SLC12A5: variants seen among roughly 807,000 people sequenced by gnomAD.
SLC12A5 encodes the protein K-Cl cotransporter 2.
In SLC12A5, 18 loss-of-function variants were observed where a neutral mutation model predicts 124.0. The observed-to-expected ratio is 0.15, with a 90% CI of 0.10 to 0.22. SLC12A5 has a LOEUF of 0.22. Ranked by LOEUF, SLC12A5 falls within the 10% of genes least tolerant of loss-of-function variation. SLC12A5 has a pLI of 1.00. For synonymous variants in SLC12A5, 589 were observed against 568.0 expected, an observed-to-expected ratio of 1.04 and a Z score of -0.53; for missense variants, 867 against 1,478.7, an observed-to-expected ratio of 0.59 and a Z score of 6.78.
chr20:46,029,163 C>T (rs1392218105), upstream of SLC12A5: 11 of 1,406,534 alleles, frequency 7.8e-6, no homozygotes, highest in East Asian at 2.8e-5. Flanking sequence ...GGGGCGCGCG[C>T]GGGTGTGAGC....
upstream of SLC12A5, chr20:46,021,838 C>G: frequency 6.5e-7 from 1 of 1,533,592 alleles, no homozygotes; most frequent in Non-Finnish European, 8.7e-7. Flanking sequence ...AGAGTCCCGC[C>G]GGCATTCGGT....
chr20:46,056,716 G>T lies in SLC12A5; in HGVS notation c.3110+152G>T, dbSNP rs981071882. The stretch of plus-strand genomic sequence containing the variant: ...GGTTTCTCCATCTGAGGACTTAGGG[G>T]GTTGGGCCCCATTGCTAAGTCTCAG... On this transcript the variant is annotated intron_variant, in intron 23 of 25. Coordinates refer to ENST00000243964, the MANE Select transcript of SLC12A5 (RefSeq NM_020708.5). The surrounding 1 kb of genome is among the most constrained non-coding windows in gnomAD (Gnocchi z 4.3). The T allele has an allele frequency of 2.6e-6, 3 of 1,134,140 alleles. No homozygotes were observed. Among genetic ancestry groups the T allele is most frequent in the Admixed American group, 2.2e-5 (1 of 44,772 alleles). 70.3% of individuals were successfully genotyped at this position (1,134,140 alleles called of 1,614,324 possible).
At position 46,029,284 on chromosome 20, in the gene SLC12A5, G is replaced by A. The variant is rs1005159146; in HGVS notation, c.-61G>A. ...CAGCGAACGAGAGAGCGGCGAAGGC[G>A]GGTAGAGGGGCGCGGGCGAGGCGGC... On this transcript the variant is annotated 5_prime_UTR_variant, in exon 1 of 26. Coordinates refer to ENST00000243964, the MANE Select transcript of SLC12A5 (RefSeq NM_020708.5). The A allele has an allele frequency of 4.0e-6, 6 of 1,515,726 alleles. No homozygotes were observed. The African/African-American group carries it at 8.4e-5, about 21-fold the overall frequency. The allele number at this position is 1,515,726 out of a possible 1,614,324, so 93.9% of individuals were successfully genotyped here.
chr20:46,037,089 C>T (rs1173667335), intron 5 of SLC12A5, among the ~76,000 whole-genome samples, 166 bp from the exon 6 acceptor site: 1 of 152,040 alleles, frequency 6.6e-6, no homozygotes. Flanking sequence ...AAAATCCATG[C>T]AGAGTGGTTG....
rs145624716 is a variant in SLC12A5 at position 46,043,913 on chromosome 20, G to C, written c.1374G>C (p.Glu458Asp). Residue 458 changes from glutamate (E) to aspartate (D), a missense_variant, in exon 11 of 26, where the codon GAG becomes GAC. Physicochemically the swap from Glu to Asp is conservative, Grantham distance 45. Transcript: ENST00000243964. The part of the protein sequence containing the change: ...SSVVLFGACI[E>D]GVVLRDKFGE... ...TTGTTCTGTTTGGGGCCTGCATTGA[G>C]GGGGTCGTCCTGCGGGACAAGTAAG... 5 of 1,609,452 alleles carry C rather than the reference G, an allele frequency of 3.1e-6. No individual in the cohort carries two copies. The African/African-American group carries it at 5.3e-5, about 17-fold the overall frequency.
chr20:46,035,586 G>C (rs148864765), intron 3 of SLC12A5, 51 bp downstream of exon 3: 42 of 1,522,044 alleles, frequency 2.8e-5, no homozygotes, highest in Non-Finnish European at 3.6e-5. Context: ...GATGGGGGGT[G>C]GGGGAGGATG....
chr20:46,040,948 T>C (rs1444994282), intron 7 of SLC12A5: 2 of 410,934 alleles, frequency 4.9e-6, no homozygotes, highest in Non-Finnish European at 8.9e-6. Flanking sequence ...CCTCCTGGAA[T>C]GGGACAATCT....
At chr20:46,038,134 A>T (rs1351194727) in intron 6 of SLC12A5, 1 of 152,242 alleles carries the variant, frequency 6.6e-6, no homozygotes, top group African/African-American at 2.4e-5. Context: ...CAAGGCTTGA[A>T]GTATATCATT....
Position 46,056,607 on chromosome 20 carries a change from A to G in SLC12A5, c.3110+43A>G. ...AAGGGCTGGGGGCTGGGGTGAGCTA[A>G]AGGGTCTTGCTCCCCATGGCAGAGC... On this transcript the variant is annotated intron_variant, in intron 23 of 25. Transcript: ENST00000243964. This position sits in a 1 kb window ranked among gnomAD's most constrained non-coding sequence, Gnocchi z 4.3. The G allele has an allele frequency of 6.3e-7, 1 of 1,584,660 alleles. No homozygotes were observed. The highest frequency in any genetic ancestry group is 8.6e-7 in the Non-Finnish European group (1 of 1,162,832).
At position 46,029,319 on chromosome 20, in the gene SLC12A5, C is replaced by T. The variant is rs758519364; in HGVS notation, c.-26C>T. 6.5e-7 allele frequency: 1 copy of T among 1,534,564 alleles called. No homozygotes were observed. The highest frequency in any genetic ancestry group is 8.8e-7 in the Non-Finnish European group (1 of 1,139,810). On this transcript the variant is annotated 5_prime_UTR_variant, in exon 1 of 26. Coordinates refer to ENST00000243964, the MANE Select transcript of SLC12A5 (RefSeq NM_020708.5). ...GCGCGGGCGAGGCGGCGCAGCCATCCCCGGACCAGGGGCCGCGCCGCCACC... is the reference window on the plus strand; with the variant it reads ...GCGCGGGCGAGGCGGCGCAGCCATCTCCGGACCAGGGGCCGCGCCGCCACC...
intron 11 of SLC12A5, chr20:46,044,652 T>G: frequency 2.8e-6 from 1 of 353,042 alleles, no homozygotes; most frequent in Non-Finnish European, 5.2e-6. Context: ...ACTGGCCGGG[T>G]GGTGTAGGAG....
At chr20:46,042,081 A>G (rs2084553173) in intron 8 of SLC12A5, among the ~76,000 whole-genome samples, 1 of 152,230 alleles carries the variant, frequency 6.6e-6, no homozygotes, top group Non-Finnish European at 1.5e-5. Flanking sequence ...GCAGAGGCAG[A>G]AGAGTTTATT....
intron 14 of SLC12A5, 92 bp downstream of exon 14, chr20:46,046,528 G>A: frequency 8.7e-7 from 1 of 1,151,152 alleles, no homozygotes; most frequent in Non-Finnish European, 1.3e-6. Context: ...CTGGGTCTAA[G>A]GACCCCAAAC....
Position 46,053,551 on chromosome 20 carries a change from T to G in SLC12A5, c.2548-27T>G. On this transcript the variant is annotated intron_variant, in intron 19 of 25. Coordinates refer to ENST00000243964, the MANE Select transcript of SLC12A5 (RefSeq NM_020708.5). The surrounding 1 kb of genome is among the most constrained non-coding windows in gnomAD (Gnocchi z 4.7). ...CTCCTCATCACATCTGGGCTGGACC[T>G]TTCTGAATCCCCTTCATCGCCTGCA... is the stretch of plus-strand genomic sequence containing the variant. 1 of 1,612,490 alleles carries G rather than the reference T, an allele frequency of 6.2e-7. No individual in the cohort carries two copies. The highest frequency in any genetic ancestry group is 8.5e-7 in the Non-Finnish European group (1 of 1,179,368).
chr20:46,029,634 C>A (rs1185832561), intron 1 of SLC12A5, among the ~76,000 whole-genome samples: 3 of 152,142 alleles, frequency 2.0e-5, no homozygotes, highest in Non-Finnish European at 4.4e-5. Flanking sequence ...TCGCTGCCCA[C>A]GGCTTCGGGC....
intron 1 of SLC12A5, 120 bp from the exon 2 acceptor site, chr20:46,034,828 C>A: frequency 1.2e-6 from 1 of 846,426 alleles, no homozygotes; most frequent in Non-Finnish European, 2.0e-6. Flanking sequence ...GTGGTATTAG[C>A]CCCATTTTCC....
chr20:46,037,193 C>G, intron 5 of SLC12A5, 62 bp from the exon 6 acceptor site: 1 of 1,537,258 alleles, frequency 6.5e-7, no homozygotes, highest in South Asian at 1.3e-5. Flanking sequence ...CTGAACACCC[C>G]TCACCCCTTA....
intron 15 of SLC12A5, 46 bp from the exon 16 acceptor site, chr20:46,047,935 C>G (rs1178038142): frequency 6.5e-7 from 1 of 1,534,256 alleles, no homozygotes; most frequent in Non-Finnish European, 8.9e-7. Context: ...TCTCCCTGCC[C>G]CCTCCTGGCT....
Position 46,057,003 on chromosome 20 carries a change from G to A in SLC12A5, c.3125+92G>A, listed in dbSNP as rs1286369293. 3.1e-6 allele frequency: 5 copies of A among 1,597,066 alleles called. No individual in the cohort carries two copies. Among genetic ancestry groups the A allele is most frequent in the African/African-American group, 2.7e-5 (2 of 74,458 alleles). On this transcript the variant is annotated intron_variant, in intron 24 of 25. Transcript: ENST00000243964. The surrounding 1 kb of genome is among the most constrained non-coding windows in gnomAD (Gnocchi z 7.1). Reference sequence around the variant, plus strand: ...GTTGTGAACCCCTAATTGGTGCCACGACCTCTGGGATCTCTGAATAGCCTA... The same window carrying A: ...GTTGTGAACCCCTAATTGGTGCCACAACCTCTGGGATCTCTGAATAGCCTA...
Sources: allele counts gnomAD v4.1 joint callset (sites outside exome capture counted in the v4.1 genomes callset), GRCh38; gene constraint gnomAD v4.1.1; non-coding constraint Gnocchi (gnomAD v3.1); transcripts MANE v1.5; gene names NCBI Gene and HGNC (gene_info 2026-07-23, HGNC 2026-07-21).